The following ADGRG7 variants were observed in gnomAD, a reference collection of about 807,000 sequenced individuals.
ADGRG7 encodes adhesion G protein-coupled receptor G7, also known as G-protein coupled receptor 128.
ADGRG7 carries 82 observed loss-of-function variants against 88.6 expected under a neutral mutation model. That is an observed-to-expected ratio of 0.93 (90% CI 0.77 to 1.11). The LOEUF (loss-of-function observed/expected upper bound fraction) is 1.11. Ranked by LOEUF, ADGRG7 falls within the 50% of genes most tolerant of loss-of-function variation. The probability of loss-of-function intolerance (pLI) is 0.00; values close to 1 mark genes in which losing one functional copy is unlikely to be tolerated. For missense variants in ADGRG7, 945 were observed against 953.4 expected (o/e 0.99, Z 0.12); for synonymous variants, 381 against 345.2 (o/e 1.10, Z -1.15).
chr3:100,679,460 T>C lies in ADGRG7; in HGVS notation c.2136+10355T>C, dbSNP rs150769908. ...TTCTACCCCATTGAGGCCAAGCTAG[T>C]ACCCAAGCTGATTTTGGTTCTTATC... On this transcript the variant is annotated intron_variant, in intron 15 of 15. Coordinates refer to ENST00000273352, the MANE Select transcript of ADGRG7 (RefSeq NM_032787.3). 3.4e-3 allele frequency among the ~76,000 whole-genome samples: 517 copies of C among 152,360 alleles called. 5 individuals are homozygous for C. The highest frequency in any genetic ancestry group is 5.0e-3 in the Non-Finnish European group (339 of 68,038).
chr3:100,642,241 T>C (rs1414811609), intron 6 of ADGRG7, among the ~76,000 whole-genome samples: 1 of 152,220 alleles, frequency 6.6e-6, no homozygotes, highest in Non-Finnish European at 1.5e-5. Flanking sequence ...AGAATGATAT[T>C]CTTAGCAGGT....
intron 1 of ADGRG7, among the ~76,000 whole-genome samples, chr3:100,627,449 A>G (rs1177935076): frequency 6.6e-6 from 1 of 152,080 alleles, no homozygotes; most frequent in Non-Finnish European, 1.5e-5. Flanking sequence ...TTATATGTTG[A>G]GAGATTTGAC....
At chr3:100,683,338 G>T (rs1223674706) in intron 15 of ADGRG7, among the ~76,000 whole-genome samples, 1 of 152,174 alleles carries the variant, frequency 6.6e-6, no homozygotes, top group Non-Finnish European at 1.5e-5. Context: ...TGGCTCTTCG[G>T]GGAGCCCAGA....
rs2094951552 is a variant in ADGRG7 at position 100,666,218 on chromosome 3, A to G, written c.1980-2731A>G. ...TGAGAGACTTGGAGAAGAACAAGAC[A>G]CAGAGACAAAGTATAGAGAAAGAAA... On this transcript the variant is annotated intron_variant, in intron 14 of 15. Coordinates refer to ENST00000273352, the MANE Select transcript of ADGRG7 (RefSeq NM_032787.3). Among the ~76,000 whole-genome samples, 3 of 152,150 alleles carry G rather than the reference A, an allele frequency of 2.0e-5. No homozygotes were observed. In the South Asian group the frequency reaches 6.2e-4, roughly 32 times the overall value.
intron 5 of ADGRG7, among the ~76,000 whole-genome samples, chr3:100,636,872 C>G (rs1479202973): frequency 6.6e-6 from 1 of 152,278 alleles, no homozygotes; most frequent in East Asian, 1.9e-4. Flanking sequence ...AAGAAAACTA[C>G]AAATAATTTT....
At chr3:100,639,733 G>A (rs766901613) in intron 6 of ADGRG7, among the ~76,000 whole-genome samples, 17 of 151,760 alleles carry the variant, frequency 1.1e-4, no homozygotes, top group Non-Finnish European at 2.4e-4. Flanking sequence ...AGAAGTTGTG[G>A]GATTTGAACA....
At chr3:100,668,881 A>G in intron 14 of ADGRG7, 68 bp from the exon 15 acceptor site, 2 of 1,127,156 alleles carry the variant, frequency 1.8e-6, no homozygotes, top group Non-Finnish European at 2.5e-6. Context: ...TAAATAGGAG[A>G]GTAATAATGA....
intron 11 of ADGRG7, among the ~76,000 whole-genome samples, chr3:100,652,185 A>G (rs527481722): frequency 2.0e-4 from 31 of 152,230 alleles, no homozygotes; most frequent in African/African-American, 7.0e-4. Context: ...TAAACCTCTC[A>G]ATAGATTTAA....
In ADGRG7 at chr3:100,622,355, T is replaced by C. The variant is rs114230351; in HGVS notation, c.116-7243T>C. 4.0e-3 allele frequency among the ~76,000 whole-genome samples: 600 copies of C among 151,796 alleles called. 7 individuals carry two copies. Among genetic ancestry groups the C allele is most frequent in the African/African-American group, 0.014 (571 of 41,414 alleles). ...TATCCTCTCTCCATTGAATTTCCCT[T>C]GCTTCTTTGTTGAGGAGCAGTTGAC... On this transcript the variant is annotated intron_variant, in intron 1 of 15. Coordinates refer to ENST00000273352, the MANE Select transcript of ADGRG7 (RefSeq NM_032787.3).
At chr3:100,683,539 G>A (rs1472287825) in intron 15 of ADGRG7, among the ~76,000 whole-genome samples, 1 of 152,224 alleles carries the variant, frequency 6.6e-6, no homozygotes, top group Non-Finnish European at 1.5e-5. Context: ...CTGCCCCACC[G>A]CAGCTGGCAT....
intron 15 of ADGRG7, among the ~76,000 whole-genome samples, chr3:100,673,851 G>T (rs370913385): frequency 6.6e-6 from 1 of 152,038 alleles, no homozygotes. Flanking sequence ...AGGGTTTTTC[G>T]TGTCTCTATC....
chr3:100,659,164 G>C (rs555171346), intron 13 of ADGRG7, among the ~76,000 whole-genome samples: 3 of 152,090 alleles, frequency 2.0e-5, no homozygotes, highest in Non-Finnish European at 2.9e-5. Context: ...TGGGTGCAGT[G>C]GCTCATGCCT....
chr3:100,618,365 A>C (rs373213368), intron 1 of ADGRG7, among the ~76,000 whole-genome samples: 2 of 152,100 alleles, frequency 1.3e-5, no homozygotes, highest in African/African-American at 4.8e-5. Flanking sequence ...ACATTTAAGT[A>C]TTTAATCCAT....
At chr3:100,622,359 T>G (rs1270513674) in intron 1 of ADGRG7, among the ~76,000 whole-genome samples, 1 of 151,976 alleles carries the variant, frequency 6.6e-6, no homozygotes, top group Non-Finnish European at 1.5e-5. Flanking sequence ...TTCCCTTGCT[T>G]CTTTGTTGAG....
chr3:100,635,655 T>G, intron 4 of ADGRG7, 22 bp from the exon 5 acceptor site: 2 of 1,606,498 alleles, frequency 1.2e-6, no homozygotes, highest in Non-Finnish European at 1.7e-6. Context: ...AGCTAGGGTT[T>G]TTTTTCTGGT....
intron 14 of ADGRG7, among the ~76,000 whole-genome samples, chr3:100,660,305 AT>A (rs2094943481): frequency 6.6e-6 from 1 of 151,982 alleles, no homozygotes; most frequent in South Asian, 2.1e-4. Context: ...TATTTATTTT[AT>A]TTTATTATTA....
chr3:100,622,503 A>T (rs1707328036), intron 1 of ADGRG7, among the ~76,000 whole-genome samples: 1 of 152,122 alleles, frequency 6.6e-6, no homozygotes, highest in Non-Finnish European at 1.5e-5. Flanking sequence ...GATGACTAAG[A>T]TGCTGAGTCT....
At chr3:100,616,491 A>T (rs1258427597) in intron 1 of ADGRG7, among the ~76,000 whole-genome samples, 1 of 152,058 alleles carries the variant, frequency 6.6e-6, no homozygotes, top group East Asian at 1.9e-4. Flanking sequence ...TGATAAAAAA[A>T]TTAATGAGTG....
rs368926208 is a variant in ADGRG7, at chr3:100,655,097, G to T, written c.1642G>T (p.Ala548Ser). ...LVTFTWNALSAAQLYYLLIRT... is the reference protein window; with the variant it reads ...LVTFTWNALSSAQLYYLLIRT... The stretch of plus-strand genomic sequence containing the variant: ...GACATTTACCTGGAACGCACTCAGC[G>T]CTGCACAGCTCTATTACCTTCTAAT... Residue 548 changes from alanine to serine, a missense_variant, in exon 12 of 16, where the codon GCT (alanine) becomes TCT (serine). Coordinates refer to ENST00000273352, the MANE Select transcript of ADGRG7 (RefSeq NM_032787.3). The T allele has an allele frequency of 8.1e-6, 13 of 1,614,118 alleles. No homozygotes were observed. The highest frequency in any genetic ancestry group is 1.0e-5 in the Non-Finnish European group (12 of 1,179,998).
Sources: allele counts gnomAD v4.1 joint callset (sites outside exome capture counted in the v4.1 genomes callset), GRCh38; gene constraint gnomAD v4.1.1; transcripts MANE v1.5; gene names NCBI Gene and HGNC (gene_info 2026-07-23, HGNC 2026-07-21).